BLOC1S5: variants seen among roughly 807,000 people sequenced by gnomAD.
BLOC1S5 encodes biogenesis of lysosomal organelles complex 1 subunit 5.
A neutral mutation model predicts 24.3 loss-of-function variants in BLOC1S5; 27 were observed. The ratio of observed to expected loss-of-function variants is 1.11; its 90% CI spans 0.82 to 1.53. BLOC1S5 has a LOEUF of 1.53. Among genes scored for constraint, BLOC1S5 ranks in the 40% most tolerant of loss-of-function variants. BLOC1S5 has a pLI of 0.00. For missense variants in BLOC1S5, 239 were observed against 229.4 expected, an observed-to-expected ratio of 1.04 and a Z score of -0.27; for synonymous variants, 84 against 74.5, an observed-to-expected ratio of 1.13 and a Z score of -0.66.
rs978873528 is a variant in BLOC1S5, at chr6:8,045,731, C to T, written c.196-4463G>A. Among the ~76,000 whole-genome samples, 5 of 152,192 alleles carry T rather than the reference C, an allele frequency of 3.3e-5. No homozygotes were observed. The East Asian group carries it at 5.8e-4, about 18-fold the overall frequency. On this transcript the variant is annotated intron_variant, in intron 2 of 4. Coordinates refer to ENST00000397457, the MANE Select transcript of BLOC1S5 (RefSeq NM_201280.3). ...AAAATTTGATTGCCCCACTGGATTT[C>T]GGACTTGCATGGGCACTGTAATCCC...
At chr6:8,016,324 T>G (rs149553381) in intron 4 of BLOC1S5, among the ~76,000 whole-genome samples, 1,677 of 116,318 alleles carry the variant, frequency 0.014, 30 homozygotes, top group African/African-American at 0.056. Flanking sequence ...AGACTCCGTC[T>G]CAAAAAAAAA....
intron 3 of BLOC1S5, among the ~76,000 whole-genome samples, chr6:8,028,305 T>A (rs1317790502): frequency 2.8e-4 from 42 of 151,836 alleles, no homozygotes; most frequent in Non-Finnish European, 7.4e-5. Context: ...ATATCAAAGA[T>A]AATATTTAAG....
At chr6:8,033,544 A>G (rs1185914129) in intron 3 of BLOC1S5, among the ~76,000 whole-genome samples, 1 of 152,188 alleles carries the variant, frequency 6.6e-6, no homozygotes, top group African/African-American at 2.4e-5. Flanking sequence ...AACCTAGGCA[A>G]TACCATTCAG....
At chr6:8,016,433 T>A (rs1762736938) in intron 4 of BLOC1S5, among the ~76,000 whole-genome samples, 1 of 152,180 alleles carries the variant, frequency 6.6e-6, no homozygotes, top group South Asian at 2.1e-4. Flanking sequence ...CCCATTTCAC[T>A]GCAGATATTT....
At position 8,014,851 on chromosome 6, in the gene BLOC1S5, A is replaced by G. The variant is rs1309184595; in HGVS notation, c.*798T>C. 2 of 152,646 alleles carry G rather than the reference A, an allele frequency of 1.3e-5. No individual in the cohort carries two copies. The highest frequency in any genetic ancestry group is 2.9e-5 in the Non-Finnish European group (2 of 68,050). 9.5% of individuals were successfully genotyped at this position (152,646 alleles called of 1,614,324 possible). A position where few individuals can be genotyped will look rare whatever the true frequency, so the allele number is the denominator to read the frequency against. On this transcript the variant is annotated 3_prime_UTR_variant, in exon 5 of 5. Transcript: ENST00000397457. The stretch of plus-strand genomic sequence containing the variant: ...TATTTATCTTATAAAGCTTACCCAC[A>G]GCAAAACAGACACAAAAATGAGGTA...
At chr6:8,016,990 T>C (rs1284694133) in intron 4 of BLOC1S5, among the ~76,000 whole-genome samples, 2 of 151,958 alleles carry the variant, frequency 1.3e-5, no homozygotes, top group African/African-American at 4.8e-5. Flanking sequence ...TCCTTAATAT[T>C]GCTATATAAG....
At chr6:8,028,786 T>C (rs1271119847) in intron 3 of BLOC1S5, among the ~76,000 whole-genome samples, 1 of 152,132 alleles carries the variant, frequency 6.6e-6, no homozygotes, top group Admixed American at 6.6e-5. Flanking sequence ...TGAAATTTGC[T>C]TTTCTAAAGT....
chr6:8,027,377 C>T, intron 3 of BLOC1S5: 2 of 456,702 alleles, frequency 4.4e-6, no homozygotes, highest in Non-Finnish European at 8.8e-6. Context: ...GTCCTCCTAT[C>T]TCTCAGCAAC....
At position 8,015,582 on chromosome 6, in the gene BLOC1S5, T is replaced by C; in HGVS notation, c.*67A>G. 6.7e-7 allele frequency: 1 copy of C among 1,488,666 alleles called. No homozygotes were observed. Among genetic ancestry groups the C allele is most frequent in the Non-Finnish European group, 9.2e-7 (1 of 1,091,214 alleles). The allele number at this position is 1,488,666 out of a possible 1,614,324, so 92.2% of individuals were successfully genotyped here. ...TTGAAGCAGAGGCTAAACGGTCTGGTGGGAATAGTTTTCAGGAGAGAGGTG... is the reference window on the plus strand; with the variant it reads ...TTGAAGCAGAGGCTAAACGGTCTGGCGGGAATAGTTTTCAGGAGAGAGGTG... On this transcript the variant is annotated 3_prime_UTR_variant, in exon 5 of 5. Coordinates refer to ENST00000397457, the MANE Select transcript of BLOC1S5 (RefSeq NM_201280.3).
Position 8,021,585 on chromosome 6 carries a change from G to A in BLOC1S5, c.384+4782C>T, listed in dbSNP as rs143922626. 3.4e-3 allele frequency among the ~76,000 whole-genome samples: 517 copies of A among 151,958 alleles called. 3 individuals are homozygous for A. Among genetic ancestry groups the A allele is most frequent in the East Asian group, 0.033 (169 of 5,170 alleles). On this transcript the variant is annotated intron_variant, in intron 4 of 4. Transcript: ENST00000397457. ...CTGCACTCCACCCTGGGTGACAAAA[G>A]CAAAACTCCATCTCAAAAAAATAGT...
Position 8,015,539 on chromosome 6 carries a change from C to T in BLOC1S5, c.*110G>A. 6 of 1,101,800 alleles carry T rather than the reference C, an allele frequency of 5.4e-6. No individual in the cohort carries two copies. The South Asian group carries it at 1.1e-4, about 19-fold the overall frequency. The allele number at this position is 1,101,800 out of a possible 1,614,324, so 68.3% of individuals were successfully genotyped here. A position where few individuals can be genotyped will look rare whatever the true frequency, so the allele number is the denominator to read the frequency against. ...TCTTTCTTCTGATATAAGAGTGCCA[C>T]TGAATATATTGCTAAGCTTGAAGCA... is the stretch of plus-strand genomic sequence containing the variant. On this transcript the variant is annotated 3_prime_UTR_variant, in exon 5 of 5. Coordinates refer to ENST00000397457, the MANE Select transcript of BLOC1S5 (RefSeq NM_201280.3).
At chr6:8,031,521 T>C (rs1763297418) in intron 3 of BLOC1S5, among the ~76,000 whole-genome samples, 1 of 152,074 alleles carries the variant, frequency 6.6e-6, no homozygotes, top group Admixed American at 6.6e-5. Context: ...GTAGAATAAA[T>C]ATTGTGAAAT....
intron 3 of BLOC1S5, 127 bp from the exon 4 acceptor site, chr6:8,026,552 A>G (rs1381860680): frequency 4.1e-6 from 3 of 730,552 alleles, no homozygotes; most frequent in Non-Finnish European, 6.7e-6. Context: ...CAAAGAACTG[A>G]TATTATTTTG....
rs372834333 is a variant in BLOC1S5, at chr6:8,049,773, G to T, written c.196-8505C>A. 5.9e-5 allele frequency among the ~76,000 whole-genome samples: 9 copies of T among 152,018 alleles called. 1 individual carries two copies. Among genetic ancestry groups the T allele is most frequent in the African/African-American group, 2.2e-4 (9 of 41,466 alleles). ...GTTGCCCAGGCTGGAGTAGAGTGGT[G>T]TGATTCTGGCTCATTGCAACCTCCG... On this transcript the variant is annotated intron_variant, in intron 2 of 4. Coordinates refer to ENST00000397457, the MANE Select transcript of BLOC1S5 (RefSeq NM_201280.3).
chr6:8,038,390 A>G (rs1763559856), intron 3 of BLOC1S5, among the ~76,000 whole-genome samples: 1 of 152,038 alleles, frequency 6.6e-6, no homozygotes, highest in South Asian at 2.1e-4. Flanking sequence ...AATGGCCAAC[A>G]GGAATATGAA....
intron 2 of BLOC1S5, among the ~76,000 whole-genome samples, chr6:8,042,390 T>C (rs1484693207): frequency 6.6e-6 from 1 of 152,248 alleles, no homozygotes; most frequent in Non-Finnish European, 1.5e-5. Context: ...GAGGCTATTA[T>C]CATTAGAAAG....
intron 4 of BLOC1S5, among the ~76,000 whole-genome samples, chr6:8,022,426 T>G (rs1465550194): frequency 6.6e-6 from 1 of 151,812 alleles, no homozygotes; most frequent in Non-Finnish European, 1.5e-5. Flanking sequence ...GCCAGTAATA[T>G]GCATGCCATT....
At chr6:8,022,592 CTTTT>C (rs58841716) in intron 4 of BLOC1S5, among the ~76,000 whole-genome samples, 1 of 92,152 alleles carries the variant, frequency 1.1e-5, no homozygotes, top group Non-Finnish European at 2.0e-5. Flanking sequence ...TTTTTTTTTT[CTTTT>C]TTTTTTGAGA....
chr6:8,025,539 A>G (rs1581399380), intron 4 of BLOC1S5, among the ~76,000 whole-genome samples: 1 of 152,310 alleles, frequency 6.6e-6, no homozygotes, highest in East Asian at 1.9e-4. Context: ...CACATTGTTG[A>G]ATTTTCAAAA....
Sources: gnomAD v4.1 joint callset for allele counts (sites outside exome capture counted in the v4.1 genomes callset) on GRCh38, gnomAD v4.1.1 for gene constraint, MANE v1.5 for transcripts, NCBI Gene and HGNC (gene_info 2026-07-23, HGNC 2026-07-21) for gene names.